BACH2: variants seen among roughly 807,000 people sequenced by gnomAD.
The protein encoded by BACH2 is BACH transcriptional regulator 2.
A neutral mutation model predicts 61.8 loss-of-function variants in BACH2; 5 were observed. The observed-to-expected ratio is 0.08, with a 90% CI of 0.04 to 0.17. The LOEUF (loss-of-function observed/expected upper bound fraction) is 0.17, where lower values mean the gene tolerates loss of function less well. Ranked by LOEUF, BACH2 falls within the 10% of genes least tolerant of loss-of-function variation. The pLI is 1.00. For missense variants in BACH2, 824 were observed against 1,091.1 expected (o/e 0.76, Z 3.45); for synonymous variants, 446 against 440.1 (o/e 1.01, Z -0.17).
At chr6:90,163,292 CTGATA>C (rs1767466446) in intron 4 of BACH2, among the ~76,000 whole-genome samples, 1 of 152,096 alleles carries the variant, frequency 6.6e-6, no homozygotes, top group Non-Finnish European at 1.5e-5. Flanking sequence ...TACTTCTCCT[CTGATA>C]TAAGTGAAAA....
chr6:90,274,816 G>C (rs1771641756), intron 1 of BACH2, among the ~76,000 whole-genome samples: 2 of 152,252 alleles, frequency 1.3e-5, no homozygotes, highest in Non-Finnish European at 2.9e-5. Flanking sequence ...ACACAACCCT[G>C]ATAACTGGCA....
Position 90,277,841 on chromosome 6 carries a change from A to G in BACH2, c.-445-5900T>C, listed in dbSNP as rs550349857. ...GAGCCAACAGCAAAGATCAAATGAC[A>G]TAACACTGAAGGCATTTTAAGCAAG... is the stretch of plus-strand genomic sequence containing the variant. On this transcript the variant is annotated intron_variant, in intron 1 of 8. Transcript: ENST00000257749. Among the ~76,000 whole-genome samples, 8 of 152,344 alleles carry G rather than the reference A, an allele frequency of 5.3e-5. 1 individual carries two copies. In the South Asian group the frequency reaches 1.7e-3, roughly 32 times the overall value.
At chr6:90,206,963 TAAACAGTCCAATTCCCCCC>T (rs911047808) in intron 3 of BACH2, among the ~76,000 whole-genome samples, 18 of 152,132 alleles carry the variant, frequency 1.2e-4, no homozygotes, top group South Asian at 2.1e-4. Flanking sequence ...CCAAATGAAC[TAAACAGTCCAATTCCCCCC>T]AAACAGTCCA....
At chr6:90,269,822 G>T (rs1312510512) in intron 2 of BACH2, among the ~76,000 whole-genome samples, 1 of 152,126 alleles carries the variant, frequency 6.6e-6, no homozygotes, top group African/African-American at 2.4e-5. Context: ...TGGGACACAC[G>T]CTGGGCAGCT....
At chr6:89,984,969 C>G (rs1302022956) in intron 6 of BACH2, among the ~76,000 whole-genome samples, 1 of 152,174 alleles carries the variant, frequency 6.6e-6, no homozygotes, top group Non-Finnish European at 1.5e-5. Context: ...TATTCCTATT[C>G]TGGGAAACAC....
intron 1 of BACH2, among the ~76,000 whole-genome samples, chr6:90,292,709 G>C (rs530721274): frequency 7.2e-5 from 11 of 152,110 alleles, no homozygotes; most frequent in African/African-American, 2.7e-4. Context: ...GACACACAAA[G>C]ATATTAAACA....
intron 6 of BACH2, among the ~76,000 whole-genome samples, chr6:89,978,760 T>G (rs1263313769): frequency 6.6e-6 from 1 of 152,114 alleles, no homozygotes; most frequent in Non-Finnish European, 1.5e-5. Flanking sequence ...TCTATGTATG[T>G]TTCTGTGGGT....
chr6:89,961,511 C>T (rs141036220), intron 6 of BACH2, among the ~76,000 whole-genome samples: 11 of 152,266 alleles, frequency 7.2e-5, no homozygotes, highest in Non-Finnish European at 1.0e-4. Context: ...TTTTCCTAGG[C>T]GAGAATTTCT....
At chr6:90,222,298 G>C (rs1769761421) in intron 3 of BACH2, among the ~76,000 whole-genome samples, 1 of 152,164 alleles carries the variant, frequency 6.6e-6, no homozygotes, top group South Asian at 2.1e-4. Context: ...ATGAGACAAT[G>C]GCAACAATGT....
intron 5 of BACH2, among the ~76,000 whole-genome samples, chr6:90,039,107 GTTTC>G (rs1306359614): frequency 2.0e-5 from 3 of 151,438 alleles, no homozygotes; most frequent in Non-Finnish European, 4.4e-5. Flanking sequence ...TAAAAATATA[GTTTC>G]TTCATTCTTG....
At chr6:89,997,436 A>G (rs896703887) in intron 6 of BACH2, among the ~76,000 whole-genome samples, 8 of 152,140 alleles carry the variant, frequency 5.3e-5, no homozygotes, top group African/African-American at 1.9e-4. Context: ...TAATCTTTCC[A>G]CCTTCCTATT....
intron 3 of BACH2, among the ~76,000 whole-genome samples, chr6:90,230,036 T>C (rs751839316): frequency 3.9e-5 from 6 of 152,172 alleles, no homozygotes; most frequent in Non-Finnish European, 7.3e-5. Context: ...CCCGACATTC[T>C]GACTGATCCA....
At chr6:90,029,477 C>T (rs905823472) in intron 5 of BACH2, among the ~76,000 whole-genome samples, 1 of 152,146 alleles carries the variant, frequency 6.6e-6, no homozygotes, top group Non-Finnish European at 1.5e-5. Flanking sequence ...CCCAGCCTCC[C>T]ACCTCACTCT....
intron 6 of BACH2, among the ~76,000 whole-genome samples, chr6:89,988,818 T>C (rs1306338505): frequency 1.3e-5 from 2 of 152,220 alleles, no homozygotes; most frequent in Non-Finnish European, 2.9e-5. Context: ...GTTCATGCAA[T>C]GATGGGACTG....
At chr6:90,036,773 T>C (rs116185605) in intron 5 of BACH2, among the ~76,000 whole-genome samples, 3,701 of 152,262 alleles carry the variant, frequency 0.024, 159 homozygotes, top group African/African-American at 0.084. Context: ...TGTGTATTCA[T>C]TGAGTTTTGA....
At chr6:89,983,859 A>G (rs1332880325) in intron 6 of BACH2, among the ~76,000 whole-genome samples, 2 of 152,190 alleles carry the variant, frequency 1.3e-5, no homozygotes, top group African/African-American at 4.8e-5. Flanking sequence ...AATGTGTTAG[A>G]GCCACTTTGT....
intron 5 of BACH2, among the ~76,000 whole-genome samples, chr6:90,084,518 T>C (rs1781848244): frequency 6.7e-6 from 1 of 149,692 alleles, no homozygotes; most frequent in Non-Finnish European, 1.5e-5. Flanking sequence ...TTTTCTCCTC[T>C]ACAAAAATCT....
intron 4 of BACH2, among the ~76,000 whole-genome samples, chr6:90,118,394 G>T (rs1783488314): frequency 6.6e-6 from 1 of 152,150 alleles, no homozygotes; most frequent in Non-Finnish European, 1.5e-5. Flanking sequence ...AAAAAAAGTT[G>T]CTCTCCAGTG....
At chr6:90,060,455 T>A (rs1780626040) in intron 5 of BACH2, among the ~76,000 whole-genome samples, 1 of 152,190 alleles carries the variant, frequency 6.6e-6, no homozygotes, top group Non-Finnish European at 1.5e-5. Context: ...AATTTTTTTT[T>A]ATTACTGAAG....
Sources: allele counts gnomAD v4.1 joint callset (sites outside exome capture counted in the v4.1 genomes callset), GRCh38; gene constraint gnomAD v4.1.1; transcripts MANE v1.5; gene names NCBI Gene and HGNC (gene_info 2026-07-23, HGNC 2026-07-21).